Variants in ZBTB20 observed in about 807,000 individuals in gnomAD.
The protein encoded by ZBTB20 is zinc finger and BTB domain containing 20, also known as zinc finger and BTB domain-containing protein 20.
Under a neutral mutation model 56.9 loss-of-function variants are expected in ZBTB20, and 9 were observed. The ratio of observed to expected loss-of-function variants is 0.16; its 90% CI spans 0.10 to 0.28. The LOEUF (loss-of-function observed/expected upper bound fraction) is 0.28, where lower values mean the gene tolerates loss of function less well. Among genes scored for constraint, ZBTB20 ranks in the 10% least tolerant of loss-of-function variants. The pLI is 1.00. For synonymous variants in ZBTB20, 417 were observed against 420.7 expected (o/e 0.99, Z 0.11); for missense variants, 655 against 1,003.0 (o/e 0.65, Z 4.69).
chr3:115,128,780 A>G (rs932867247), intron 1 of ZBTB20, among the ~76,000 whole-genome samples: 1 of 149,740 alleles, frequency 6.7e-6, no homozygotes, highest in African/African-American at 2.5e-5. Context: ...GGAAGGGAGA[A>G]AGAGCAAAGA....
intron 2 of ZBTB20, among the ~76,000 whole-genome samples, chr3:115,034,582 AAAG>A (rs1402884655): frequency 1.3e-5 from 2 of 151,974 alleles, no homozygotes; most frequent in African/African-American, 4.8e-5. Flanking sequence ...GAAAGAAATT[AAAG>A]AAGACATAAA....
intron 1 of ZBTB20, among the ~76,000 whole-genome samples, chr3:115,109,533 C>A (rs2083815721): frequency 6.6e-6 from 1 of 152,138 alleles, no homozygotes; most frequent in Non-Finnish European, 1.5e-5. Context: ...TAAAAGAAAT[C>A]TCATTTTCAG....
chr3:115,099,569 C>T (rs772083910), intron 1 of ZBTB20, among the ~76,000 whole-genome samples: 1 of 152,188 alleles, frequency 6.6e-6, no homozygotes, highest in Non-Finnish European at 1.5e-5. Context: ...CTTACCCACC[C>T]TCAGCAACTA....
At chr3:114,576,290 G>C (rs1054837160) in intron 6 of ZBTB20, among the ~76,000 whole-genome samples, 2 of 151,754 alleles carry the variant, frequency 1.3e-5, no homozygotes, top group African/African-American at 4.8e-5. Flanking sequence ...ATGAGGTCAG[G>C]AGATCGAGAC....
rs931538138 is a variant in ZBTB20, at chr3:114,323,261, G to C, written c.*15744C>G. 10 of 152,182 alleles carry C rather than the reference G, an allele frequency of 6.6e-5. No individual in the cohort carries two copies. Among genetic ancestry groups the C allele is most frequent in the Admixed American group, 2.0e-4 (3 of 15,284 alleles). 9.4% of individuals were successfully genotyped at this position (152,182 alleles called of 1,614,324 possible). A position where few individuals can be genotyped will look rare whatever the true frequency, so the allele number is the denominator to read the frequency against. Reference sequence around the variant, plus strand: ...CTATTAAGGTCTTCTGCTTAGTAAGGATAGTCTATGATGGAGCAGCTAGTA... The same window carrying C: ...CTATTAAGGTCTTCTGCTTAGTAAGCATAGTCTATGATGGAGCAGCTAGTA... On this transcript the variant is annotated 3_prime_UTR_variant, in exon 12 of 12. Transcript: ENST00000675478.
chr3:114,998,359 A>T (rs570134832), intron 2 of ZBTB20, among the ~76,000 whole-genome samples: 1 of 151,930 alleles, frequency 6.6e-6, no homozygotes, highest in East Asian at 1.9e-4. Context: ...TCACAAAAGA[A>T]TTTGTGACCT....
At chr3:114,889,924 A>C (rs985554263) in intron 4 of ZBTB20, among the ~76,000 whole-genome samples, 1 of 152,188 alleles carries the variant, frequency 6.6e-6, no homozygotes, top group African/African-American at 2.4e-5. Flanking sequence ...TATGATGACT[A>C]ATGAGAGGAG....
chr3:114,631,485 C>T (rs1348546090), intron 6 of ZBTB20, among the ~76,000 whole-genome samples: 5 of 137,436 alleles, frequency 3.6e-5, no homozygotes, highest in Non-Finnish European at 6.1e-5. Context: ...CTCTGCCTTC[C>T]GGGTTCAAGC....
intron 6 of ZBTB20, among the ~76,000 whole-genome samples, chr3:114,505,243 T>A (rs961423932): frequency 2.0e-5 from 3 of 152,158 alleles, no homozygotes; most frequent in Non-Finnish European, 2.9e-5. Flanking sequence ...TGGGCTTTTC[T>A]GAACATGAGA....
At chr3:114,699,938 A>T (rs1010626665) in intron 5 of ZBTB20, among the ~76,000 whole-genome samples, 2 of 152,130 alleles carry the variant, frequency 1.3e-5, no homozygotes, top group African/African-American at 4.8e-5. Flanking sequence ...CACAGACTAA[A>T]TCAAAGTTGT....
chr3:114,765,633 T>C (rs953221340), intron 5 of ZBTB20, among the ~76,000 whole-genome samples: 3 of 152,182 alleles, frequency 2.0e-5, no homozygotes, highest in Admixed American at 6.5e-5. Flanking sequence ...TATTCTATTA[T>C]GGCAGCCCTA....
intron 2 of ZBTB20, among the ~76,000 whole-genome samples, chr3:115,067,302 G>A (rs951717299): frequency 6.6e-6 from 1 of 151,872 alleles, no homozygotes; most frequent in Non-Finnish European, 1.5e-5. Flanking sequence ...AACCCGGGAA[G>A]CAATTATTTG....
At chr3:114,723,934 T>A (rs528695270) in intron 5 of ZBTB20, among the ~76,000 whole-genome samples, 1 of 152,230 alleles carries the variant, frequency 6.6e-6, no homozygotes, top group East Asian at 1.9e-4. Context: ...AGTGGCGCTA[T>A]CTTGGCTCAC....
At chr3:114,697,074 A>AG (rs1276743852) in intron 5 of ZBTB20, among the ~76,000 whole-genome samples, 4 of 129,470 alleles carry the variant, frequency 3.1e-5, no homozygotes, top group Admixed American at 1.7e-4. Flanking sequence ...AAAAAAAAAA[A>AG]AAGAAGAAGA....
At chr3:114,978,223 T>C (rs1274405198) in intron 2 of ZBTB20, among the ~76,000 whole-genome samples, 1 of 149,636 alleles carries the variant, frequency 6.7e-6, no homozygotes, top group Non-Finnish European at 1.5e-5. Flanking sequence ...TTCTAAAATA[T>C]GGAATGCATT....
At chr3:114,630,051 G>C (rs1227693425) in intron 6 of ZBTB20, among the ~76,000 whole-genome samples, 1 of 152,070 alleles carries the variant, frequency 6.6e-6, no homozygotes, top group Non-Finnish European at 1.5e-5. Context: ...GAGGTGAGAG[G>C]ATCGCTTGAT....
intron 5 of ZBTB20, among the ~76,000 whole-genome samples, chr3:114,778,201 A>T (rs2069768094): frequency 6.7e-6 from 1 of 150,022 alleles, no homozygotes; most frequent in South Asian, 2.1e-4. Context: ...CATATGTAAC[A>T]AACCTGCACG....
At chr3:115,048,076 T>A (rs1458781943) in intron 2 of ZBTB20, among the ~76,000 whole-genome samples, 1 of 150,098 alleles carries the variant, frequency 6.7e-6, no homozygotes, top group Non-Finnish European at 1.5e-5. Flanking sequence ...AAAAAAAAAA[T>A]TGGCCGGGCG....
chr3:114,451,037 CA>C lies in ZBTB20; in HGVS notation c.-255+49314del, dbSNP rs1301586914. The stretch of plus-strand genomic sequence containing the variant: ...TTACCATCTATCACCAAACCCTGAA[CA>C]GCTCACAGATCTCACAGATCTTATT... On this transcript the variant is annotated intron_variant, in intron 7 of 11. Coordinates refer to ENST00000675478, the MANE Select transcript of ZBTB20 (RefSeq NM_001348800.3). Among the ~76,000 whole-genome samples the C allele has an allele frequency of 5.3e-5, 8 of 151,972 alleles. 1 individual carries two copies. Among genetic ancestry groups the C allele is most frequent in the Admixed American group, 3.9e-4 (6 of 15,240 alleles).
Sources: gnomAD v4.1 joint callset for allele counts (sites outside exome capture counted in the v4.1 genomes callset) on GRCh38, gnomAD v4.1.1 for gene constraint, MANE v1.5 for transcripts, NCBI Gene and HGNC (gene_info 2026-07-23, HGNC 2026-07-21) for gene names.